VAV3: variants seen among roughly 807,000 people sequenced by gnomAD.
The protein encoded by VAV3 is vav guanine nucleotide exchange factor 3, also known as guanine nucleotide exchange factor VAV3.
Under a neutral mutation model 131.2 loss-of-function variants are expected in VAV3, and 94 were observed. The ratio of observed to expected loss-of-function variants is 0.72; its 90% CI spans 0.61 to 0.85. The LOEUF (loss-of-function observed/expected upper bound fraction) is 0.85, where lower values mean the gene tolerates loss of function less well. Among genes scored for constraint, VAV3 ranks in the 40% least tolerant of loss-of-function variants. The pLI is 0.00. For synonymous variants in VAV3, 349 were observed against 342.0 expected (o/e 1.02, Z -0.22); for missense variants, 939 against 1,002.7 (o/e 0.94, Z 0.86).
intron 18 of VAV3, chr1:107,686,030 G>A (rs1658992787): frequency 1.1e-5 from 1 of 93,552 alleles, no homozygotes; most frequent in Non-Finnish European, 2.4e-5. Context: ...GCTGGTTGGG[G>A]GGGTGGGGGG....
intron 2 of VAV3, among the ~76,000 whole-genome samples, chr1:107,804,579 C>A (rs182518900): frequency 1.3e-5 from 2 of 152,098 alleles, no homozygotes; most frequent in African/African-American, 4.8e-5. Context: ...TCAATTTACA[C>A]ATTTTTGTAT....
rs139226534 is a variant in VAV3 at position 107,725,409 on chromosome 1, C to T, written c.1503-20348G>A. 4.4e-3 allele frequency among the ~76,000 whole-genome samples: 663 copies of T among 152,078 alleles called. 9 individuals carry two copies. The highest frequency in any genetic ancestry group is 0.015 in the South Asian group (71 of 4,804). On this transcript the variant is annotated intron_variant, in intron 15 of 26. Coordinates refer to ENST00000370056, the MANE Select transcript of VAV3 (RefSeq NM_006113.5). ...GTGATAACAAGTGGAAATATGCAGC[C>T]GAAAGTAAAGAGAGTGAGAGGGACA... is the stretch of plus-strand genomic sequence containing the variant.
chr1:107,891,558 G>T (rs114077603), intron 1 of VAV3, among the ~76,000 whole-genome samples: 1,810 of 151,656 alleles, frequency 0.012, 37 homozygotes, highest in African/African-American at 0.041. Flanking sequence ...GCTCAGTTGG[G>T]GTGGGCACGG....
intron 7 of VAV3, among the ~76,000 whole-genome samples, chr1:107,767,893 T>C (rs976193486): frequency 9.2e-5 from 14 of 152,184 alleles, no homozygotes; most frequent in Non-Finnish European, 1.5e-4. Context: ...TACATAAATG[T>C]AAACGAAAAA....
At chr1:107,908,861 ACACACACACACAC>A (rs1672235302) in intron 1 of VAV3, among the ~76,000 whole-genome samples, 2 of 134,186 alleles carry the variant, frequency 1.5e-5, no homozygotes, top group African/African-American at 5.8e-5. Flanking sequence ...ACACACACAC[ACACACACACACAC>A]AATATAAAAC....
chr1:107,614,213 A>G (rs1228063793), intron 21 of VAV3, among the ~76,000 whole-genome samples: 1 of 151,988 alleles, frequency 6.6e-6, no homozygotes, highest in Non-Finnish European at 1.5e-5. Flanking sequence ...ATATTGCTAG[A>G]AATGAAGTTG....
At chr1:107,778,750 A>G (rs2102221963) in intron 3 of VAV3, among the ~76,000 whole-genome samples, 1 of 152,352 alleles carries the variant, frequency 6.6e-6, no homozygotes. Context: ...ATCCATTTCC[A>G]TGAAACCAGG....
chr1:107,895,243 G>A (rs1168643788), intron 1 of VAV3, among the ~76,000 whole-genome samples: 1 of 152,168 alleles, frequency 6.6e-6, no homozygotes, highest in African/African-American at 2.4e-5. Context: ...CCCATGGGAC[G>A]TGAGTGGGGA....
At chr1:107,724,864 G>C (rs373740907) in intron 15 of VAV3, among the ~76,000 whole-genome samples, 1 of 132,508 alleles carries the variant, frequency 7.5e-6, no homozygotes, top group East Asian at 2.4e-4. Context: ...GCTGAGCACA[G>C]GCCAGATAGT....
chr1:107,779,936 A>G (rs1665598341), intron 2 of VAV3, among the ~76,000 whole-genome samples: 1 of 152,340 alleles, frequency 6.6e-6, no homozygotes, highest in East Asian at 1.9e-4. Flanking sequence ...CCACATTTTA[A>G]GTGTTCAGTA....
intron 1 of VAV3, among the ~76,000 whole-genome samples, chr1:107,955,995 G>A (rs1338034682): frequency 6.6e-6 from 1 of 152,148 alleles, no homozygotes; most frequent in Admixed American, 6.5e-5. Context: ...ATCAAATGAA[G>A]GGAACAACGG....
At chr1:107,844,547 G>A (rs1668875879) in intron 2 of VAV3, among the ~76,000 whole-genome samples, 2 of 152,158 alleles carry the variant, frequency 1.3e-5, no homozygotes, top group African/African-American at 4.8e-5. Context: ...TGCCCATGGA[G>A]CCCCATAAGC....
At chr1:107,812,850 A>G (rs113350003) in intron 2 of VAV3, among the ~76,000 whole-genome samples, 40,434 of 152,044 alleles carry the variant, frequency 0.27, 6,665 homozygotes, top group Non-Finnish European at 0.37. Context: ...AAGGCCGGGC[A>G]CGGTGGCTCA....
chr1:107,683,108 T>C (rs1054421880), intron 19 of VAV3, among the ~76,000 whole-genome samples: 2 of 152,202 alleles, frequency 1.3e-5, no homozygotes, highest in Admixed American at 1.3e-4. Flanking sequence ...ACCAGTTGTC[T>C]GGTTTATGCT....
At chr1:107,770,987 T>C (rs759641536) in intron 5 of VAV3, among the ~76,000 whole-genome samples, 46 of 152,326 alleles carry the variant, frequency 3.0e-4, no homozygotes, top group Admixed American at 5.9e-4. Flanking sequence ...ACTAAAATGT[T>C]CATAAAGTTG....
chr1:107,907,794 G>C (rs1424749753), intron 1 of VAV3, among the ~76,000 whole-genome samples: 1 of 151,964 alleles, frequency 6.6e-6, no homozygotes, highest in African/African-American at 2.4e-5. Flanking sequence ...CTTTGATCTT[G>C]GGCTTCTCAG....
intron 2 of VAV3, among the ~76,000 whole-genome samples, chr1:107,822,047 AGCTGGTGACT>A (rs1667814869): frequency 6.6e-6 from 1 of 152,110 alleles, no homozygotes; most frequent in Non-Finnish European, 1.5e-5. Context: ...TGACTGGTTG[AGCTGGTGACT>A]GCTGGTGCCT....
At chr1:107,674,591 G>T (rs139671685) in intron 19 of VAV3, among the ~76,000 whole-genome samples, 3 of 152,210 alleles carry the variant, frequency 2.0e-5, no homozygotes, top group African/African-American at 7.2e-5. Context: ...AGAAGATGTC[G>T]AAGGATAAGG....
intron 20 of VAV3, among the ~76,000 whole-genome samples, chr1:107,621,102 T>C (rs1161099787): frequency 6.6e-6 from 1 of 151,318 alleles, no homozygotes; most frequent in African/African-American, 2.4e-5. Context: ...TTTTTTTTTT[T>C]ACCTCTTTTA....
Sources: gnomAD v4.1 joint callset for allele counts (sites outside exome capture counted in the v4.1 genomes callset) on GRCh38, gnomAD v4.1.1 for gene constraint, MANE v1.5 for transcripts, NCBI Gene and HGNC (gene_info 2026-07-23, HGNC 2026-07-21) for gene names.